ZFHX3: variants seen among roughly 807,000 people sequenced by gnomAD.
ZFHX3 encodes zinc finger homeobox protein 3.
Under a neutral mutation model 279.1 loss-of-function variants are expected in ZFHX3, and 42 were observed. That is an observed-to-expected ratio of 0.15 (90% CI 0.12 to 0.19). The LOEUF (loss-of-function observed/expected upper bound fraction) is 0.19, where lower values mean the gene tolerates loss of function less well. Among genes scored for constraint, ZFHX3 ranks in the 10% least tolerant of loss-of-function variants. The pLI is 1.00. For synonymous variants in ZFHX3, 2,293 were observed against 1,957.8 expected, an observed-to-expected ratio of 1.17 and a Z score of -4.52; for missense variants, 4,981 against 4,754.0, an observed-to-expected ratio of 1.05 and a Z score of -1.40.
intron 3 of ZFHX3, among the ~76,000 whole-genome samples, chr16:73,328,911 G>C (rs2015745479): frequency 6.6e-6 from 1 of 152,202 alleles, no homozygotes; most frequent in Non-Finnish European, 1.5e-5. Context: ...GCAAATCCAT[G>C]CTGCTCTTCC....
At chr16:73,284,021 A>T (rs992468905) in intron 4 of ZFHX3, among the ~76,000 whole-genome samples, 1 of 152,170 alleles carries the variant, frequency 6.6e-6, no homozygotes, top group Non-Finnish European at 1.5e-5. Context: ...AAAGAGAAGA[A>T]AATAAATATG....
rs984090639 is a variant in ZFHX3, at chr16:73,080,536, T to C, written c.-533+12699A>G. ...GAATCTGACAATCTGGGGTAGCACC[T>C]GGGAATCCACATTTTAAACATTTAT... On this transcript the variant is annotated intron_variant, in intron 8 of 17. Transcript: ENST00000641206. Among the ~76,000 whole-genome samples the C allele has an allele frequency of 2.6e-5, 4 of 152,186 alleles. No individual in the cohort carries two copies. The East Asian group carries it at 7.7e-4, about 29-fold the overall frequency.
intron 3 of ZFHX3, among the ~76,000 whole-genome samples, chr16:73,416,576 C>G (rs762332506): frequency 4.1e-4 from 63 of 152,090 alleles, no homozygotes; most frequent in Non-Finnish European, 4.6e-4. Flanking sequence ...ATTTAGCAGA[C>G]GAAAGTTGAG....
At chr16:73,819,621 G>A (rs1436055324) in intron 1 of ZFHX3, among the ~76,000 whole-genome samples, 1 of 152,074 alleles carries the variant, frequency 6.6e-6, no homozygotes, top group Non-Finnish European at 1.5e-5. Context: ...ATCAAGAAGA[G>A]ACTTCCGAGA....
intron 4 of ZFHX3, among the ~76,000 whole-genome samples, chr16:72,866,192 A>ACAGAGAGGGAGAGTGAGAGCAGTAGC (rs2038018282): frequency 6.6e-6 from 1 of 152,238 alleles, no homozygotes; most frequent in Non-Finnish European, 1.5e-5. Context: ...TGGCAGATAC[A>ACAGAGAGGGAGAGTGAGAGCAGTAGC]CAGAGAGGGA....
chr16:73,416,699 C>G (rs1046336511), intron 3 of ZFHX3, among the ~76,000 whole-genome samples: 3 of 151,872 alleles, frequency 2.0e-5, no homozygotes, highest in Non-Finnish European at 4.4e-5. Context: ...TGGTGAAACC[C>G]CCGTCTCTAC....
chr16:72,919,929 G>C (rs1355637280), intron 3 of ZFHX3, among the ~76,000 whole-genome samples: 1 of 151,564 alleles, frequency 6.6e-6, no homozygotes. Context: ...AAGAACCTGG[G>C]ATTACAGGCA....
At chr16:73,208,089 GAAAC>G (rs2011874555) in intron 5 of ZFHX3, among the ~76,000 whole-genome samples, 1 of 152,036 alleles carries the variant, frequency 6.6e-6, no homozygotes, top group African/African-American at 2.4e-5. Flanking sequence ...CCATTTTTGA[GAAAC>G]AAGGTTCAAA....
At chr16:73,436,714 G>A (rs1307701651) in intron 3 of ZFHX3, among the ~76,000 whole-genome samples, 1 of 151,566 alleles carries the variant, frequency 6.6e-6, no homozygotes, top group Non-Finnish European at 1.5e-5. Flanking sequence ...CTTTGGCTGT[G>A]CTGTTCTTTG....
At chr16:73,763,275 T>C (rs1328364183) in intron 1 of ZFHX3, among the ~76,000 whole-genome samples, 1 of 152,200 alleles carries the variant, frequency 6.6e-6, no homozygotes, top group Non-Finnish European at 1.5e-5. Context: ...ACCAAATCTT[T>C]AAAAGTCTGG....
At chr16:73,246,672 G>C (rs558755336) in intron 5 of ZFHX3, among the ~76,000 whole-genome samples, 1 of 152,150 alleles carries the variant, frequency 6.6e-6, no homozygotes, top group East Asian at 1.9e-4. Flanking sequence ...CTAAATGCTC[G>C]TATCTTAAAG....
intron 2 of ZFHX3, among the ~76,000 whole-genome samples, chr16:73,561,556 G>C (rs73602956): frequency 0.084 from 12,743 of 151,874 alleles, 588 homozygotes; most frequent in South Asian, 0.1. Flanking sequence ...TAGAAAATTA[G>C]TGGAAAGGTA....
At chr16:73,831,592 C>A (rs1960999110) in intron 1 of ZFHX3, among the ~76,000 whole-genome samples, 1 of 152,184 alleles carries the variant, frequency 6.6e-6, no homozygotes. Flanking sequence ...AGATTCATTC[C>A]TTGGCTTTTT....
At chr16:73,840,154 C>T (rs1462445521) in intron 1 of ZFHX3, among the ~76,000 whole-genome samples, 2 of 152,014 alleles carry the variant, frequency 1.3e-5, no homozygotes, top group Non-Finnish European at 2.9e-5. Context: ...AATGTATGAC[C>T]CTAATGCTAA....
intron 4 of ZFHX3, among the ~76,000 whole-genome samples, chr16:72,837,933 G>A (rs548143623): frequency 6.6e-6 from 1 of 152,248 alleles, no homozygotes; most frequent in South Asian, 2.1e-4. Context: ...GATCCTTTAA[G>A]TAATCATTTT....
At chr16:73,327,268 T>G (rs1461616807) in intron 3 of ZFHX3, among the ~76,000 whole-genome samples, 1 of 152,206 alleles carries the variant, frequency 6.6e-6, no homozygotes, top group Non-Finnish European at 1.5e-5. Context: ...TGATTTTAAC[T>G]ATGCTGGCTT....
rs2035935146 is a variant in ZFHX3, at chr16:72,797,099, G to T, written c.5583C>A (p.Ala1861=). The change falls in exon 9 of 10, where the codon GCC becomes GCA. Residue 1861 remains alanine, a synonymous_variant. Transcript: ENST00000268489. The part of the protein sequence containing the change: ...PQQQQNQLSI[A]QSHSALLQPS... ...GCTGAAGGAGGGCAGAGTGACTCTGGGCTATAGAGAGTTGGTTCTGCTGCT... is the reference window on the plus strand; with the variant it reads ...GCTGAAGGAGGGCAGAGTGACTCTGTGCTATAGAGAGTTGGTTCTGCTGCT... 1 of 1,613,862 alleles carries T rather than the reference G, an allele frequency of 6.2e-7. No individual in the cohort carries two copies. The highest frequency in any genetic ancestry group is 8.5e-7 in the Non-Finnish European group (1 of 1,180,012).
At chr16:72,936,521 A>C (rs1423802803) in intron 3 of ZFHX3, among the ~76,000 whole-genome samples, 1 of 152,242 alleles carries the variant, frequency 6.6e-6, no homozygotes, top group Non-Finnish European at 1.5e-5. Context: ...TTTGACGACC[A>C]GATATTGAAT....
chr16:73,478,189 C>T (rs1446282458), intron 2 of ZFHX3, among the ~76,000 whole-genome samples: 1 of 150,996 alleles, frequency 6.6e-6, no homozygotes, highest in Non-Finnish European at 1.5e-5. Flanking sequence ...TGGCTTGAAT[C>T]CAGGAGGCGG....
Sources: gnomAD v4.1 joint callset for allele counts (sites outside exome capture counted in the v4.1 genomes callset) on GRCh38, gnomAD v4.1.1 for gene constraint, MANE v1.5 for transcripts, NCBI Gene and HGNC (gene_info 2026-07-23, HGNC 2026-07-21) for gene names.